The following DAG1 variants were observed in gnomAD, a reference collection of about 807,000 sequenced individuals.
DAG1 encodes dystroglycan 1, also known as dystroglycan 1 (dystrophin-associated glycoprotein 1).
DAG1 carries 8 observed loss-of-function variants against 46.1 expected under a neutral mutation model. The observed-to-expected ratio is 0.17, with a 90% CI of 0.10 to 0.31. The LOEUF is 0.31. DAG1 is among the 10% of genes least tolerant of loss of function. The pLI, the probability that DAG1 is intolerant of heterozygous loss-of-function variation, is 1.00. For synonymous variants in DAG1, 495 were observed against 481.8 expected (o/e 1.03, Z -0.36); for missense variants, 1,003 against 1,189.9 (o/e 0.84, Z 2.31).
chr3:49,505,566 A>G (rs1052705829), intron 1 of DAG1, among the ~76,000 whole-genome samples: 1 of 152,226 alleles, frequency 6.6e-6, no homozygotes, highest in African/African-American at 2.4e-5. Flanking sequence ...TAGAACTGAT[A>G]TAGGACTATA....
chr3:49,483,838 C>T (rs962138986), intron 1 of DAG1, among the ~76,000 whole-genome samples: 1 of 152,006 alleles, frequency 6.6e-6, no homozygotes, highest in African/African-American at 2.4e-5. Context: ...CTATGCCCAG[C>T]TAATTTTTAA....
intron 2 of DAG1, among the ~76,000 whole-genome samples, chr3:49,525,857 C>CTT (rs1347060645): frequency 1.4e-5 from 2 of 138,586 alleles, no homozygotes; most frequent in African/African-American, 5.3e-5. Context: ...CGCGCTCGGC[C>CTT]TTTTTTTTTT....
upstream of DAG1, chr3:49,470,249 TGCGCTCAGC>T (rs2049468165): frequency 6.6e-6 from 1 of 151,842 alleles, no homozygotes; most frequent in African/African-American, 2.4e-5. Context: ...GCCCCGCCCT[TGCGCTCAGC>T]GCCCTCTCAC....
intron 1 of DAG1, among the ~76,000 whole-genome samples, chr3:49,502,933 G>A (rs920667789): frequency 3.9e-5 from 6 of 152,030 alleles, no homozygotes; most frequent in Admixed American, 1.3e-4. Context: ...CACCGCGCCC[G>A]GCCAGCACTT....
chr3:49,525,387 A>G (rs1039009763), intron 2 of DAG1, among the ~76,000 whole-genome samples: 6 of 152,182 alleles, frequency 3.9e-5, no homozygotes, highest in Non-Finnish European at 7.3e-5. Flanking sequence ...GGTAATTTAT[A>G]GAGAAAAGAG....
In DAG1 at chr3:49,529,915, A is replaced by G. The variant is rs1401050021; in HGVS notation, c.286-882A>G. 2.0e-5 allele frequency among the ~76,000 whole-genome samples: 3 copies of G among 152,262 alleles called. No homozygotes were observed. In the East Asian group the frequency reaches 5.8e-4, roughly 29 times the overall value. On this transcript the variant is annotated intron_variant, in intron 2 of 2. Transcript: ENST00000308775. The stretch of plus-strand genomic sequence containing the variant: ...TCTGTGGAAAGGGACTTCCACAACA[A>G]AAGAAGTCTGGGAGATGCTGTTGAG...
chr3:49,531,955 A>G lies in DAG1; in HGVS notation c.1444A>G (p.Thr482Ala), dbSNP rs1347952125. ...ETASPPTRIRTTTSGVPRGGE... is the reference protein window; with the variant it reads ...ETASPPTRIRATTSGVPRGGE... ...TGCCTCACCGCCTACTCGTATTCGC[A>G]CCACCACCAGTGGAGTGCCCCGTGG... is the stretch of plus-strand genomic sequence containing the variant. Residue 482 changes from threonine to alanine, a missense_variant, in exon 3 of 3, where the codon ACC (threonine) becomes GCC (alanine). Thr to Ala is a moderately conservative substitution (Grantham distance 58). Coordinates refer to ENST00000308775, the MANE Select transcript of DAG1 (RefSeq NM_004393.6). The surrounding 1 kb of genome is among the most constrained non-coding windows in gnomAD (Gnocchi z 7.0). 11 of 1,614,126 alleles carry G rather than the reference A, an allele frequency of 6.8e-6. No individual in the cohort carries two copies. The highest frequency in any genetic ancestry group is 2.2e-5 in the East Asian group (1 of 44,876).
rs201869343 is a variant in DAG1, at chr3:49,531,046, T to A, written c.535T>A (p.Ser179Thr). Residue 179 changes from serine to threonine, a missense_variant, in exon 3 of 3, where the codon TCA (serine) becomes ACA (threonine). Around this residue, in one of 3 missense-constraint regions of DAG1, gnomAD observed 196 missense variants for 239.1 expected, o/e 0.82. Coordinates refer to ENST00000308775, the MANE Select transcript of DAG1 (RefSeq NM_004393.6). This position sits in a 1 kb window ranked among gnomAD's most constrained non-coding sequence, Gnocchi z 7.0. ...TASPDPGEVV[S>T]SACAADEPVT... Reference sequence around the variant, plus strand: ...CTCCCCAGACCCTGGTGAGGTGGTATCATCTGCCTGTGCTGCGGATGAACC... The same window carrying A: ...CTCCCCAGACCCTGGTGAGGTGGTAACATCTGCCTGTGCTGCGGATGAACC... 25 of 1,614,148 alleles carry A rather than the reference T, an allele frequency of 1.5e-5. No homozygotes were observed. In the East Asian group the frequency reaches 5.1e-4, roughly 33 times the overall value.
rs1394583659 is a variant in DAG1 at position 49,533,052 on chromosome 3, G to A, written c.2541G>A (p.Met847Ile). ...PETTPLNQDT[M>I]GEYTPLRDED... The stretch of plus-strand genomic sequence containing the variant: ...CCACTCCTCTGAACCAGGACACCAT[G>A]GGAGAGTACACGCCCCTGCGGGATG... The change falls in exon 3 of 3, where the codon ATG (methionine) becomes ATA (isoleucine). Residue 847 changes from methionine (M) to isoleucine (I), a missense_variant. Transcript: ENST00000308775. The A allele has an allele frequency of 6.2e-7, 1 of 1,614,110 alleles. No individual in the cohort carries two copies. Among genetic ancestry groups the A allele is most frequent in the East Asian group, 2.2e-5 (1 of 44,876 alleles).
chr3:49,497,089 A>G (rs1183458156), intron 1 of DAG1, among the ~76,000 whole-genome samples: 4 of 150,972 alleles, frequency 2.6e-5, no homozygotes, highest in Non-Finnish European at 5.9e-5. Flanking sequence ...TGTTTGAACC[A>G]GGAGTTTGAG....
intron 1 of DAG1, among the ~76,000 whole-genome samples, chr3:49,483,124 T>C (rs1441105915): frequency 6.6e-6 from 1 of 152,112 alleles, no homozygotes; most frequent in Non-Finnish European, 1.5e-5. Flanking sequence ...GATTTTACTA[T>C]GGAATATTTC....
At chr3:49,499,803 G>C (rs1378754123) in intron 1 of DAG1, among the ~76,000 whole-genome samples, 1 of 152,148 alleles carries the variant, frequency 6.6e-6, no homozygotes, top group Non-Finnish European at 1.5e-5. Context: ...ACCCTTGGAT[G>C]CCTGGTGTCC....
At chr3:49,481,064 A>G (rs2049866663) in intron 1 of DAG1, among the ~76,000 whole-genome samples, 1 of 147,692 alleles carries the variant, frequency 6.8e-6, no homozygotes, top group Non-Finnish European at 1.5e-5. Context: ...CCCGGCCTGC[A>G]TAAAGTTTTT....
At chr3:49,481,013 G>A (rs2049864915) in intron 1 of DAG1, among the ~76,000 whole-genome samples, 2 of 145,878 alleles carry the variant, frequency 1.4e-5, no homozygotes, top group African/African-American at 2.5e-5. Context: ...CGCCCGCTTC[G>A]GCCTCCCAAA....
At chr3:49,511,936 G>T (rs1383334975) in intron 2 of DAG1, among the ~76,000 whole-genome samples, 3 of 152,148 alleles carry the variant, frequency 2.0e-5, no homozygotes, top group African/African-American at 7.2e-5. Flanking sequence ...AAAACTTTAC[G>T]GTGGATACTT....
In DAG1 at chr3:49,532,663, T is replaced by C; in HGVS notation, c.2152T>C (p.Phe718Leu). 1 of 1,614,082 alleles carries C rather than the reference T, an allele frequency of 6.2e-7. No individual in the cohort carries two copies. The highest frequency in any genetic ancestry group is 1.3e-5 in the African/African-American group (1 of 75,014). The change falls in exon 3 of 3, where the codon TTT becomes CTT. Residue 718 changes from phenylalanine (F) to leucine (L), a missense_variant. This residue lies in a region of DAG1 where 755 missense variants were observed against 854.1 expected (regional missense o/e 0.88). Coordinates refer to ENST00000308775, the MANE Select transcript of DAG1 (RefSeq NM_004393.6). The surrounding 1 kb of genome is among the most constrained non-coding windows in gnomAD (Gnocchi z 5.4). ...CTCTGGCAGTTGTCGGCACCTACAG[T>C]TTATCCCTGTGGTACCACCCAGGAG... The part of the protein sequence containing the change: ...TGSGSCRHLQ[F>L]IPVVPPRRVP...
intron 1 of DAG1, among the ~76,000 whole-genome samples, chr3:49,505,758 AC>A (rs2050589875): frequency 6.7e-6 from 1 of 150,072 alleles, no homozygotes; most frequent in African/African-American, 2.5e-5. Context: ...CGCAACCTCC[AC>A]CTCCCAGGTT....
chr3:49,521,496 G>C (rs572937016), intron 2 of DAG1, among the ~76,000 whole-genome samples: 2 of 152,216 alleles, frequency 1.3e-5, no homozygotes, highest in East Asian at 3.9e-4. Context: ...GTCTTGCTCT[G>C]TCACCCAGGC....
rs927664026 is a variant in DAG1, at chr3:49,533,729, A to G, written c.*530A>G. On this transcript the variant is annotated 3_prime_UTR_variant, in exon 3 of 3. Transcript: ENST00000308775. ...CTGTTTACCTAAACTTGTATGTATA[A>G]TTTTTGGGTGGGTATGGGGAATTGC... The G allele has an allele frequency of 3.8e-6, 1 of 265,382 alleles. No individual in the cohort carries two copies. The highest frequency in any genetic ancestry group is 7.4e-6 in the Non-Finnish European group (1 of 135,036). The allele number at this position is 265,382 out of a possible 1,614,324, so 16.4% of individuals were successfully genotyped here.
Sources: allele counts gnomAD v4.1 joint callset (sites outside exome capture counted in the v4.1 genomes callset), GRCh38; gene constraint gnomAD v4.1.1; regional missense constraint gnomAD v4.1.1; non-coding constraint Gnocchi (gnomAD v3.1); transcripts MANE v1.5; gene names NCBI Gene and HGNC (gene_info 2026-07-23, HGNC 2026-07-21).